Variants in DLG2 observed in about 807,000 individuals in gnomAD.
DLG2 encodes disks large homolog 2.
DLG2 carries 45 observed loss-of-function variants against 132.5 expected under a neutral mutation model. The ratio of observed to expected loss-of-function variants is 0.34; its 90% confidence interval spans 0.27 to 0.44. DLG2 has a LOEUF of 0.44. Among genes scored for constraint, DLG2 ranks in the 20% least tolerant of loss-of-function variants. The pLI is 1.00. For missense variants in DLG2, 1,045 were observed against 1,196.9 expected (o/e 0.87, Z 1.87); for synonymous variants, 424 against 419.6 (o/e 1.01, Z -0.13).
intron 4 of DLG2, among the ~76,000 whole-genome samples, chr11:85,236,377 T>C (rs140664031): frequency 6.6e-6 from 1 of 151,900 alleles, no homozygotes. Flanking sequence ...GCTGAGTAGA[T>C]TTCCTCTGAG....
intron 6 of DLG2, among the ~76,000 whole-genome samples, chr11:84,783,884 T>C (rs943103456): frequency 6.6e-6 from 1 of 152,062 alleles, no homozygotes; most frequent in Non-Finnish European, 1.5e-5. Context: ...GCTCCCATCA[T>C]ATAAAATCTG....
intron 9 of DLG2, among the ~76,000 whole-genome samples, chr11:84,115,373 G>A (rs2093583640): frequency 1.3e-5 from 2 of 152,166 alleles, no homozygotes; most frequent in South Asian, 4.1e-4. Flanking sequence ...GTTGGGAGAC[G>A]GGAGGTGGAG....
rs971926628 is a variant in DLG2 at position 84,741,297 on chromosome 11, G to A, written c.358-206566C>T. ...TCTCGATCTCCTGACCTCGTGATCCGCCCGCCTCGGCCTCCCAAAGTGCTG... is the reference window on the plus strand; with the variant it reads ...TCTCGATCTCCTGACCTCGTGATCCACCCGCCTCGGCCTCCCAAAGTGCTG... On this transcript the variant is annotated intron_variant, in intron 6 of 27. Transcript: ENST00000376104. 5.3e-5 allele frequency among the ~76,000 whole-genome samples: 8 copies of A among 151,336 alleles called. No individual in the cohort carries two copies. In the South Asian group the frequency reaches 6.3e-4, roughly 12 times the overall value.
chr11:84,727,219 C>T (rs145597389), intron 6 of DLG2, among the ~76,000 whole-genome samples: 46 of 152,138 alleles, frequency 3.0e-4, no homozygotes, highest in African/African-American at 5.1e-4. Flanking sequence ...AGGATTTTTA[C>T]GGTCCCAGGT....
intron 3 of DLG2, among the ~76,000 whole-genome samples, chr11:85,445,399 C>A (rs140773388): frequency 6.6e-6 from 1 of 152,116 alleles, no homozygotes; most frequent in East Asian, 1.9e-4. Flanking sequence ...AAGCACTGGC[C>A]GGGCGCGGTG....
At chr11:84,920,450 GT>G (rs2092701528) in intron 6 of DLG2, among the ~76,000 whole-genome samples, 1 of 152,146 alleles carries the variant, frequency 6.6e-6, no homozygotes. Context: ...GATTTTGTTT[GT>G]TTGTTTTGTT....
chr11:84,759,954 ACTC>A (rs2067383756), intron 6 of DLG2, among the ~76,000 whole-genome samples: 1 of 152,142 alleles, frequency 6.6e-6, no homozygotes, highest in African/African-American at 2.4e-5. Context: ...TATTTAAAGT[ACTC>A]CTAGAGTGCA....
intron 9 of DLG2, 24 bp downstream of exon 9, chr11:84,163,437 G>A (rs752174097): frequency 1.3e-6 from 2 of 1,588,590 alleles, no homozygotes; most frequent in Admixed American, 1.8e-5. Context: ...TTGGGGCTTT[G>A]GATTTTTCAA....
At chr11:83,885,239 G>C (rs1265079310) in intron 15 of DLG2, among the ~76,000 whole-genome samples, 2 of 152,196 alleles carry the variant, frequency 1.3e-5, no homozygotes, top group African/African-American at 4.8e-5. Flanking sequence ...AACCAATACA[G>C]AGAAGTGCTT....
intron 17 of DLG2, among the ~76,000 whole-genome samples, chr11:83,825,735 T>C (rs1052878674): frequency 6.6e-6 from 1 of 152,178 alleles, no homozygotes; most frequent in African/African-American, 2.4e-5. Context: ...TTCCTTTTTG[T>C]ACAACAGTGA....
intron 6 of DLG2, among the ~76,000 whole-genome samples, chr11:84,670,980 T>C (rs550954168): frequency 6.6e-6 from 1 of 152,170 alleles, no homozygotes; most frequent in East Asian, 1.9e-4. Flanking sequence ...TACAACCTCT[T>C]GCAGCAGCAA....
rs529462045 is a variant in DLG2 at position 85,025,347 on chromosome 11, C to T, written c.357+86314G>A. Among the ~76,000 whole-genome samples the T allele has an allele frequency of 1.2e-4, 18 of 152,272 alleles. No individual in the cohort carries two copies. The South Asian group carries it at 3.5e-3, about 30-fold the overall frequency. The stretch of plus-strand genomic sequence containing the variant: ...CCTCAGGCTCTGACCAGAACTGTTA[C>T]CATAAAGAAGTGTTGTTGGAGTCTG... On this transcript the variant is annotated intron_variant, in intron 6 of 27. Coordinates refer to ENST00000376104, the MANE Select transcript of DLG2 (RefSeq NM_001142699.3).
chr11:84,497,505 G>C (rs2099188106), intron 7 of DLG2, among the ~76,000 whole-genome samples: 1 of 152,040 alleles, frequency 6.6e-6, no homozygotes, highest in African/African-American at 2.4e-5. Context: ...AGGGGATGAG[G>C]ATTAGAGATT....
At chr11:84,485,720 T>A (rs959121358) in intron 7 of DLG2, among the ~76,000 whole-genome samples, 1 of 152,180 alleles carries the variant, frequency 6.6e-6, no homozygotes, top group Non-Finnish European at 1.5e-5. Flanking sequence ...ATGAAGGTCC[T>A]ACTGTAGTGT....
At chr11:85,463,500 T>C (rs1315310852) in intron 3 of DLG2, among the ~76,000 whole-genome samples, 1 of 152,178 alleles carries the variant, frequency 6.6e-6, no homozygotes, top group Admixed American at 6.5e-5. Context: ...AAACTTGGGA[T>C]GGGTGCAGTG....
intron 14 of DLG2, among the ~76,000 whole-genome samples, chr11:83,958,155 A>C (rs973062476): frequency 9.2e-5 from 14 of 152,214 alleles, no homozygotes; most frequent in African/African-American, 2.7e-4. Flanking sequence ...CTGAATGAGC[A>C]AATAACTGAA....
chr11:85,260,642 A>C (rs1233909007), intron 4 of DLG2, among the ~76,000 whole-genome samples: 1 of 152,200 alleles, frequency 6.6e-6, no homozygotes, highest in Non-Finnish European at 1.5e-5. Flanking sequence ...TAAATAAAAT[A>C]CAATTTTTGC....
At chr11:85,489,965 A>AT (rs2093519683) in intron 3 of DLG2, among the ~76,000 whole-genome samples, 1 of 152,086 alleles carries the variant, frequency 6.6e-6, no homozygotes. Flanking sequence ...AGCTATAAGG[A>AT]TTTTTTGAAG....
chr11:85,009,800 G>C (rs2058997147), intron 6 of DLG2, among the ~76,000 whole-genome samples: 1 of 152,000 alleles, frequency 6.6e-6, no homozygotes. Flanking sequence ...GCAGCAATTA[G>C]AGTTTACATA....
Sources: allele counts gnomAD v4.1 joint callset (sites outside exome capture counted in the v4.1 genomes callset), GRCh38; gene constraint gnomAD v4.1.1; transcripts MANE v1.5; gene names NCBI Gene and HGNC (gene_info 2026-07-23, HGNC 2026-07-21).